Variants in SMOC2 observed in about 807,000 individuals in gnomAD.
SMOC2 encodes the protein SPARC-related modular calcium-binding protein 2.
SMOC2 carries 39 observed loss-of-function variants against 61.4 expected under a neutral mutation model. The ratio of observed to expected loss-of-function variants is 0.64; its 90% CI spans 0.49 to 0.83. The LOEUF (loss-of-function observed/expected upper bound fraction) is 0.83, where lower values mean the gene tolerates loss of function less well. SMOC2 is among the 40% of genes least tolerant of loss of function. The pLI is 0.00. For synonymous variants in SMOC2, 247 were observed against 239.9 expected (o/e 1.03, Z -0.27); for missense variants, 556 against 592.9 (o/e 0.94, Z 0.65).
chr6:168,638,000 C>A (rs1282600818), intron 9 of SMOC2, among the ~76,000 whole-genome samples: 6 of 150,084 alleles, frequency 4.0e-5, no homozygotes, highest in Non-Finnish European at 8.9e-5. Flanking sequence ...CCCTGCAGCG[C>A]CCAGGGAAGG....
chr6:168,523,165 T>G (rs957470652), intron 2 of SMOC2, among the ~76,000 whole-genome samples: 8 of 123,320 alleles, frequency 6.5e-5, no homozygotes, highest in African/African-American at 1.9e-4. Context: ...CTCGGCTCAC[T>G]GCAAGCTCCG....
At position 168,598,873 on chromosome 6, in the gene SMOC2, G is replaced by A; in HGVS notation, c.693G>A (p.Lys231=). The change falls in exon 8 of 13, where the codon AAG becomes AAA. Residue 231 remains lysine, a synonymous_variant. Coordinates refer to ENST00000356284, the MANE Select transcript of SMOC2 (RefSeq NM_001166412.2). ...QSALEEAKQP[K]NDNVVIPECA... is the part of the protein sequence containing the mutation. ...CCCTGGAGGAAGCCAAGCAGCCCAA[G>A]AACGACAATGTGGTGATCCCTGAGT... 6.2e-7 allele frequency: 1 copy of A among 1,613,878 alleles called. No homozygotes were observed. The highest frequency in any genetic ancestry group is 8.5e-7 in the Non-Finnish European group (1 of 1,179,846).
intron 4 of SMOC2, among the ~76,000 whole-genome samples, chr6:168,541,057 T>C (rs1783867464): frequency 6.6e-6 from 1 of 152,218 alleles, no homozygotes. Flanking sequence ...TTGAACCAAG[T>C]GCTCAGAGCT....
In SMOC2 at chr6:168,592,649, C is replaced by G. The variant is rs149384349; in HGVS notation, c.638-6169C>G. Among the ~76,000 whole-genome samples, 243 of 82,386 alleles carry G rather than the reference C, an allele frequency of 2.9e-3. 1 individual carries two copies. The highest frequency in any genetic ancestry group is 4.2e-3 in the South Asian group (8 of 1,894). The allele number at this position is 82,386 out of a possible 152,430, so 54.0% of individuals were successfully genotyped here. ...CTTCACGGGCATCTTTCTAGAGGAT[C>G]GCTGAGCTCCTCCTCCTTCCTGAGG... On this transcript the variant is annotated intron_variant, in intron 7 of 12. Coordinates refer to ENST00000356284, the MANE Select transcript of SMOC2 (RefSeq NM_001166412.2).
At chr6:168,456,494 C>T (rs1017676646) in intron 1 of SMOC2, among the ~76,000 whole-genome samples, 1 of 152,222 alleles carries the variant, frequency 6.6e-6, no homozygotes, top group Non-Finnish European at 1.5e-5. Flanking sequence ...GCGAGACCCT[C>T]ACGGCACCCC....
At chr6:168,513,466 TACACACACACACATACATACAC>T (rs918282027) in intron 2 of SMOC2, among the ~76,000 whole-genome samples, 21 of 16,342 alleles carry the variant, frequency 1.3e-3, no homozygotes, top group Non-Finnish European at 7.6e-3. Flanking sequence ...CACACACAAA[TACACACACACACATACATACAC>T]ACACACACAC....
chr6:168,631,863 A>G (rs12528701), intron 9 of SMOC2, among the ~76,000 whole-genome samples: 3,667 of 152,238 alleles, frequency 0.024, 281 homozygotes, highest in Admixed American at 0.16. Flanking sequence ...TGAAGAGCAG[A>G]GTGAAGAGTT....
intron 2 of SMOC2, among the ~76,000 whole-genome samples, chr6:168,518,749 ATGTGTGTGTGTTCATGTGCG>A: frequency 6.7e-6 from 1 of 148,664 alleles, no homozygotes; most frequent in East Asian, 2.1e-4. Context: ...GTGAATGTGC[ATGTGTGTGTGTTCATGTGCG>A]TGTGTGCATG....
chr6:168,655,490 T>C, intron 11 of SMOC2: 1 of 452,034 alleles, frequency 2.2e-6, no homozygotes, highest in South Asian at 1.6e-5. Flanking sequence ...GAGACAGCAC[T>C]GTGAGATGCG....
chr6:168,605,440 T>C (rs1480787457), intron 8 of SMOC2, among the ~76,000 whole-genome samples: 1 of 152,150 alleles, frequency 6.6e-6, no homozygotes, highest in African/African-American at 2.4e-5. Context: ...TTGAAAAGAA[T>C]GGTGATGGAT....
intron 9 of SMOC2, among the ~76,000 whole-genome samples, chr6:168,615,143 G>T (rs1583162457): frequency 2.2e-4 from 1 of 4,644 alleles, no homozygotes. Flanking sequence ...AGCCAGCACA[G>T]GGGGCCTCTT....
intron 7 of SMOC2, among the ~76,000 whole-genome samples, chr6:168,565,377 C>G (rs1165533818): frequency 6.6e-6 from 1 of 152,132 alleles, no homozygotes; most frequent in African/African-American, 2.4e-5. Flanking sequence ...TCCATGTGGT[C>G]TTCTCTCCGT....
intron 1 of SMOC2, among the ~76,000 whole-genome samples, chr6:168,480,764 A>G (rs1386844710): frequency 6.6e-6 from 1 of 152,166 alleles, no homozygotes; most frequent in Non-Finnish European, 1.5e-5. Flanking sequence ...AAAGTCACAC[A>G]GAGACATTAT....
In SMOC2 at chr6:168,574,451, C is replaced by A. The variant is rs186317359; in HGVS notation, c.638-24367C>A. ...GAGGTCGCCTGAAGCCCTGGAAATC[C>A]CTGGGAGAGTGAACCTTCCCGCCGG... On this transcript the variant is annotated intron_variant, in intron 7 of 12. Coordinates refer to ENST00000356284, the MANE Select transcript of SMOC2 (RefSeq NM_001166412.2). Among the ~76,000 whole-genome samples the A allele has an allele frequency of 4.0e-3, 604 of 152,278 alleles. 4 individuals carry two copies. The highest frequency in any genetic ancestry group is 0.014 in the African/African-American group (567 of 41,576).
At chr6:168,462,041 G>A (rs1419518902) in intron 1 of SMOC2, among the ~76,000 whole-genome samples, 4 of 151,594 alleles carry the variant, frequency 2.6e-5, no homozygotes, top group Non-Finnish European at 5.9e-5. Flanking sequence ...TTATTTATCA[G>A]TTTTTTTTGA....
intron 7 of SMOC2, among the ~76,000 whole-genome samples, chr6:168,583,243 G>C (rs1379308034): frequency 6.6e-6 from 1 of 152,226 alleles, no homozygotes; most frequent in Non-Finnish European, 1.5e-5. Context: ...AGGAGCCCGT[G>C]CCTGGCTCAG....
In SMOC2 at chr6:168,519,131, A is replaced by G. The variant is rs924052829; in HGVS notation, c.257-7215A>G. On this transcript the variant is annotated intron_variant, in intron 2 of 12. Transcript: ENST00000356284. ...AACGCGTGTGTATGCATGCATGTGT[A>G]TGTGTGCATGTGTGAGCATGCGTGT... Among the ~76,000 whole-genome samples, 18 of 125,754 alleles carry G rather than the reference A, an allele frequency of 1.4e-4. 1 individual carries two copies. Among genetic ancestry groups the G allele is most frequent in the African/African-American group, 5.2e-4 (17 of 32,562 alleles). 82.5% of individuals were successfully genotyped at this position (125,754 alleles called of 152,430 possible).
chr6:168,567,498 T>A (rs1479123519), intron 7 of SMOC2, among the ~76,000 whole-genome samples: 2 of 152,152 alleles, frequency 1.3e-5, no homozygotes, highest in African/African-American at 4.8e-5. Flanking sequence ...CTTTTATTTG[T>A]GCGTGTGTGT....
chr6:168,611,369 C>T (rs113670286), intron 9 of SMOC2, among the ~76,000 whole-genome samples: 578 of 38,342 alleles, frequency 0.015, 5 homozygotes, highest in African/African-American at 0.016. Flanking sequence ...CGGGCCTGGC[C>T]GTGGCTCCCA....
Sources: allele counts gnomAD v4.1 joint callset (sites outside exome capture counted in the v4.1 genomes callset), GRCh38; gene constraint gnomAD v4.1.1; transcripts MANE v1.5; gene names NCBI Gene and HGNC (gene_info 2026-07-23, HGNC 2026-07-21).